Variants in TRAK2 observed in about 807,000 individuals in gnomAD.
TRAK2 encodes the protein trafficking kinesin-binding protein 2.
TRAK2 carries 81 observed loss-of-function variants against 104.6 expected under a neutral mutation model. That is an observed-to-expected ratio of 0.77 (90% CI 0.65 to 0.93). The LOEUF (loss-of-function observed/expected upper bound fraction) is 0.93. Ranked by LOEUF, TRAK2 falls within the 40% of genes least tolerant of loss-of-function variation. The pLI, the probability that TRAK2 is intolerant of heterozygous loss-of-function variation, is 0.00. For missense variants in TRAK2, 1,002 were observed against 1,089.0 expected, an observed-to-expected ratio of 0.92 and a Z score of 1.12; for synonymous variants, 406 against 394.4, an observed-to-expected ratio of 1.03 and a Z score of -0.35.
intron 1 of TRAK2, among the ~76,000 whole-genome samples, chr2:201,443,173 C>T (rs1162852495): frequency 1.3e-5 from 2 of 152,180 alleles, no homozygotes; most frequent in Non-Finnish European, 2.9e-5. Context: ...TTCAAATACT[C>T]TCATTTTGTC....
Position 201,384,124 on chromosome 2 carries a change from G to A in TRAK2, c.2056C>T (p.Gln686Ter). ...CRILHPSDIT[Q>*]VTPSSGFPSL... ...AGGCACTCTTACCTGGGGGTAACCT[G>A]AGTGATGTCAGAGGGATGTAATATT... The change falls in exon 15 of 16, where the codon CAG becomes TAG. Residue 686 changes from glutamine (Q) to a stop codon, truncating the protein, a stop_gained. Coordinates refer to ENST00000332624, the MANE Select transcript of TRAK2 (RefSeq NM_015049.3). LOFTEE classifies it high-confidence loss of function. The A allele has an allele frequency of 6.2e-7, 1 of 1,611,952 alleles. No homozygotes were observed. Among genetic ancestry groups the A allele is most frequent in the Non-Finnish European group, 8.5e-7 (1 of 1,178,848 alleles).
intron 2 of TRAK2, chr2:201,413,371 G>C: frequency 2.8e-6 from 2 of 721,906 alleles, no homozygotes; most frequent in South Asian, 4.4e-5. Context: ...GCAGAACTGG[G>C]CCTCTTTTTC....
rs938003348 is a variant in TRAK2 at position 201,384,135 on chromosome 2, G to C, written c.2045C>G (p.Ser682Cys). The change falls in exon 15 of 16, where the codon TCT (serine) becomes TGT (cysteine). Residue 682 changes from serine to cysteine, a missense_variant. By Grantham distance (112) the Ser-to-Cys change is moderately radical. Transcript: ENST00000332624. ...TFTTCRILHPSDITQVTPSSG... is the reference protein window; with the variant it reads ...TFTTCRILHPCDITQVTPSSG... Reference sequence around the variant, plus strand: ...CCTGGGGGTAACCTGAGTGATGTCAGAGGGATGTAATATTCTACAGGTGGT... The same window carrying C: ...CCTGGGGGTAACCTGAGTGATGTCACAGGGATGTAATATTCTACAGGTGGT... The C allele has an allele frequency of 6.2e-7, 1 of 1,613,188 alleles. No homozygotes were observed. The highest frequency in any genetic ancestry group is 8.5e-7 in the Non-Finnish European group (1 of 1,179,486).
intron 1 of TRAK2, among the ~76,000 whole-genome samples, chr2:201,440,768 C>T (rs1951914458): frequency 6.6e-6 from 1 of 152,182 alleles, no homozygotes; most frequent in African/African-American, 2.4e-5. Context: ...TTGTGGGAGT[C>T]ATATCCTACT....
At chr2:201,448,617 T>C (rs904005683) in intron 1 of TRAK2, among the ~76,000 whole-genome samples, 2 of 152,298 alleles carry the variant, frequency 1.3e-5, no homozygotes, top group African/African-American at 4.8e-5. Context: ...ACAGATAATA[T>C]AATGAGAGCT....
chr2:201,444,593 C>T (rs189383925), intron 1 of TRAK2, among the ~76,000 whole-genome samples: 55 of 151,478 alleles, frequency 3.6e-4, no homozygotes, highest in African/African-American at 1.2e-3. Context: ...TTCTCTAACT[C>T]GGCATCTAAT....
intron 4 of TRAK2, 75 bp from the exon 5 acceptor site, chr2:201,399,568 G>A: frequency 9.0e-7 from 1 of 1,116,580 alleles, no homozygotes; most frequent in South Asian, 1.4e-5. Context: ...TTTGTGGTCA[G>A]TTTTGGTAAA....
intron 2 of TRAK2, chr2:201,411,070 C>T (rs1396228905): frequency 1.1e-5 from 13 of 1,175,258 alleles, no homozygotes; most frequent in Non-Finnish European, 1.7e-5. Flanking sequence ...AACATCATGT[C>T]AATGCCCATG....
At position 201,398,044 on chromosome 2, in the gene TRAK2, A is replaced by G; in HGVS notation, c.690+101T>C. 7 of 1,131,578 alleles carry G rather than the reference A, an allele frequency of 6.2e-6. 1 individual carries two copies. In the South Asian group the frequency reaches 9.8e-5, roughly 16 times the overall value. 70.1% of individuals were successfully genotyped at this position (1,131,578 alleles called of 1,614,324 possible). ...CCACGACTCTCTAATTGGAATGCCA[A>G]TAGCAAATCCTTACTTATGCCATAT... On this transcript the variant is annotated intron_variant, in intron 6 of 15. Coordinates refer to ENST00000332624, the MANE Select transcript of TRAK2 (RefSeq NM_015049.3).
Position 201,381,123 on chromosome 2 carries a change from C to G in TRAK2, c.2165G>C (p.Gly722Ala). ...ATCTCGTCGGTTGGTGATGGACTCA[C>G]CAATGCTGAGTCTATAGGACAAGGC... ...SPALSYRLSI[G>A]ESITNRRDST... Residue 722 changes from glycine to alanine, a missense_variant, in exon 16 of 16, where the codon GGT (glycine) becomes GCT (alanine). Gly to Ala is a moderately conservative substitution (Grantham distance 60, BLOSUM62 0). Coordinates refer to ENST00000332624, the MANE Select transcript of TRAK2 (RefSeq NM_015049.3). 1 of 1,613,712 alleles carries G rather than the reference C, an allele frequency of 6.2e-7. No individual in the cohort carries two copies. Among genetic ancestry groups the G allele is most frequent in the Non-Finnish European group, 8.5e-7 (1 of 1,179,824 alleles).
chr2:201,427,837 G>A (rs1466946285), intron 1 of TRAK2, among the ~76,000 whole-genome samples: 1 of 152,148 alleles, frequency 6.6e-6, no homozygotes, highest in African/African-American at 2.4e-5. Context: ...GCCACCTGTT[G>A]TTTCCTGACT....
intron 1 of TRAK2, among the ~76,000 whole-genome samples, chr2:201,450,704 T>C (rs1165385098): frequency 1.3e-5 from 2 of 151,508 alleles, no homozygotes; most frequent in African/African-American, 2.4e-5. Context: ...TTTTTTTTTT[T>C]CTGACGTAGA....
chr2:201,401,905 T>A (rs1951554113), intron 3 of TRAK2, among the ~76,000 whole-genome samples: 1 of 152,076 alleles, frequency 6.6e-6, no homozygotes, highest in Non-Finnish European at 1.5e-5. Flanking sequence ...GATACGTTAC[T>A]GCAGAACATA....
At chr2:201,423,210 A>T (rs1951758473) in intron 1 of TRAK2, among the ~76,000 whole-genome samples, 1 of 152,114 alleles carries the variant, frequency 6.6e-6, no homozygotes, top group South Asian at 2.1e-4. Context: ...AAGCTCTGAG[A>T]TTACAGGCAT....
At chr2:201,385,156 G>C (rs1951377393) in intron 14 of TRAK2, among the ~76,000 whole-genome samples, 1 of 152,146 alleles carries the variant, frequency 6.6e-6, no homozygotes, top group Admixed American at 6.6e-5. Flanking sequence ...CTTTTCTGAT[G>C]AGTAGGTGGT....
Position 201,420,707 on chromosome 2 carries a change from C to A in TRAK2, c.-199-1G>T. 2.1e-6 allele frequency: 1 copy of A among 485,662 alleles called. No individual in the cohort carries two copies. The highest frequency in any genetic ancestry group is 3.5e-5 in the Admixed American group (1 of 28,294). 30.1% of individuals were successfully genotyped at this position (485,662 alleles called of 1,614,324 possible). The stretch of plus-strand genomic sequence containing the variant: ...TTATCATACTTTGGACAGTCATGAC[C>A]TAAAACAAAAACATCAAGTGACTAG... On this transcript the variant is annotated splice_acceptor_variant, in intron 1 of 15. Coordinates refer to ENST00000332624, the MANE Select transcript of TRAK2 (RefSeq NM_015049.3). LOFTEE classifies it low-confidence loss of function (5UTR_SPLICE).
chr2:201,419,982 CTT>C (rs1400468043), intron 2 of TRAK2, among the ~76,000 whole-genome samples: 1 of 152,140 alleles, frequency 6.6e-6, no homozygotes, highest in Admixed American at 6.5e-5. Flanking sequence ...TAGAAAAAAA[CTT>C]TGACTGCTCA....
chr2:201,411,660 G>A, intron 2 of TRAK2: 1 of 795,218 alleles, frequency 1.3e-6, no homozygotes, highest in Non-Finnish European at 2.3e-6. Flanking sequence ...CAACTTATGA[G>A]TAAAAGTACA....
intron 2 of TRAK2, among the ~76,000 whole-genome samples, chr2:201,420,047 T>C (rs940053381): frequency 6.6e-6 from 1 of 152,188 alleles, no homozygotes; most frequent in Non-Finnish European, 1.5e-5. Context: ...GTATGTATGT[T>C]TGTTATATGC....
Sources: gnomAD v4.1 joint callset for allele counts (sites outside exome capture counted in the v4.1 genomes callset) on GRCh38, gnomAD v4.1.1 for gene constraint, MANE v1.5 for transcripts, NCBI Gene and HGNC (gene_info 2026-07-23, HGNC 2026-07-21) for gene names.